The following DOCK4 variants were observed in gnomAD, a reference collection of about 807,000 sequenced individuals.
DOCK4 encodes the protein dedicator of cytokinesis protein 4.
A neutral mutation model predicts 268.1 loss-of-function variants in DOCK4; 97 were observed. The ratio of observed to expected loss-of-function variants is 0.36; its 90% CI spans 0.31 to 0.43. The LOEUF (loss-of-function observed/expected upper bound fraction) is 0.43, where lower values mean the gene tolerates loss of function less well. DOCK4 is among the 20% of genes least tolerant of loss of function. DOCK4 has a pLI of 1.00. For missense variants in DOCK4, 2,145 were observed against 2,455.7 expected (o/e 0.87, Z 2.67); for synonymous variants, 954 against 887.2 (o/e 1.08, Z -1.34).
intron 11 of DOCK4, among the ~76,000 whole-genome samples, chr7:111,936,574 G>A (rs1186259204): frequency 1.3e-5 from 2 of 152,138 alleles, no homozygotes; most frequent in African/African-American, 4.8e-5. Flanking sequence ...ATAATGATTT[G>A]TAAGCATGTG....
intron 32 of DOCK4, among the ~76,000 whole-genome samples, chr7:111,786,888 T>G (rs972426880): frequency 6.6e-6 from 1 of 152,222 alleles, no homozygotes; most frequent in Non-Finnish European, 1.5e-5. Flanking sequence ...GTATCACTTT[T>G]GATTTGATTT....
chr7:112,198,600 C>T (rs1025760570), intron 1 of DOCK4, among the ~76,000 whole-genome samples: 3 of 152,154 alleles, frequency 2.0e-5, no homozygotes, highest in South Asian at 4.1e-4. Flanking sequence ...CCTCTCTTTA[C>T]TCATTTTTAT....
chr7:111,801,165 C>G (rs1003949040), intron 30 of DOCK4, among the ~76,000 whole-genome samples: 1 of 152,188 alleles, frequency 6.6e-6, no homozygotes, highest in Non-Finnish European at 1.5e-5. Context: ...ATCATGGCGA[C>G]CCACATTTGC....
intron 1 of DOCK4, among the ~76,000 whole-genome samples, chr7:112,145,624 A>G (rs929327593): frequency 6.6e-6 from 1 of 152,238 alleles, no homozygotes; most frequent in East Asian, 1.9e-4. Flanking sequence ...TAACAGGATC[A>G]TTAAGCAGGA....
At chr7:111,984,518 G>T in intron 6 of DOCK4, 128 bp from the exon 7 acceptor site, 1 of 725,228 alleles carries the variant, frequency 1.4e-6, no homozygotes, top group Non-Finnish European at 2.3e-6. Context: ...CACCTTGTAT[G>T]ACTTGTTACC....
intron 5 of DOCK4, among the ~76,000 whole-genome samples, chr7:111,993,636 T>C (rs1412628686): frequency 6.6e-6 from 1 of 152,236 alleles, no homozygotes; most frequent in Middle Eastern, 3.2e-3. Context: ...TGATTACTTA[T>C]AGTAAGTAAA....
intron 8 of DOCK4, among the ~76,000 whole-genome samples, chr7:111,960,019 C>T (rs1796742082): frequency 6.6e-6 from 1 of 152,054 alleles, no homozygotes; most frequent in African/African-American, 2.4e-5. Context: ...TTCTTTTTTA[C>T]ACTTAATTAT....
At chr7:111,825,862 T>C (rs1449114588) in intron 26 of DOCK4, among the ~76,000 whole-genome samples, 2 of 152,150 alleles carry the variant, frequency 1.3e-5, no homozygotes, top group African/African-American at 4.8e-5. Context: ...AAAAGTCCCA[T>C]AATTAAATAT....
chr7:112,071,672 C>A (rs183428173), intron 1 of DOCK4, among the ~76,000 whole-genome samples: 184 of 152,254 alleles, frequency 1.2e-3, no homozygotes, highest in Admixed American at 2.2e-3. Context: ...AAGTATAATC[C>A]TTTAAAATAT....
intron 45 of DOCK4, 85 bp downstream of exon 45, chr7:111,741,928 G>T: frequency 6.8e-7 from 1 of 1,476,696 alleles, no homozygotes; most frequent in Non-Finnish European, 9.0e-7. Context: ...ACCACAAGAT[G>T]TCACTATTGG....
intron 15 of DOCK4, among the ~76,000 whole-genome samples, chr7:111,898,684 C>A (rs1222442139): frequency 2.0e-5 from 3 of 152,146 alleles, no homozygotes; most frequent in South Asian, 4.1e-4. Context: ...TGGAAGCCCA[C>A]TTTATAAAAT....
At chr7:111,753,052 T>C (rs1490761848) in intron 42 of DOCK4, among the ~76,000 whole-genome samples, 4 of 149,116 alleles carry the variant, frequency 2.7e-5, no homozygotes, top group Non-Finnish European at 5.9e-5. Context: ...CAATTTCATC[T>C]GAAACCTTTG....
At chr7:112,069,352 A>G (rs1033846711) in intron 1 of DOCK4, among the ~76,000 whole-genome samples, 2 of 152,184 alleles carry the variant, frequency 1.3e-5, no homozygotes, top group African/African-American at 4.8e-5. Flanking sequence ...AATGAAAGAC[A>G]TAATTCTTGC....
At chr7:112,099,055 C>T (rs1003279391) in intron 1 of DOCK4, among the ~76,000 whole-genome samples, 1 of 151,908 alleles carries the variant, frequency 6.6e-6, no homozygotes, top group Non-Finnish European at 1.5e-5. Context: ...TTTGGGAGGC[C>T]TAGGTGGGCG....
At position 111,728,396 on chromosome 7, in the gene DOCK4, C is replaced by T; in HGVS notation, c.5806G>A (p.Glu1936Lys). The T allele has an allele frequency of 1.3e-6, 2 of 1,560,484 alleles. No individual in the cohort carries two copies. The highest frequency in any genetic ancestry group is 2.4e-5 in the South Asian group (2 of 81,712). The change falls in exon 53 of 53, where the codon GAG (glutamate) becomes AAG (lysine). Residue 1936 changes from glutamate (E) to lysine (K), a missense_variant. Physicochemically the swap from Glu to Lys is moderately conservative, Grantham distance 56. Around this residue, in one of 2 missense-constraint regions of DOCK4, gnomAD observed 547 missense variants for 469.0 expected, o/e 1.17. Transcript: ENST00000428084. ...PHSLSIPVTS[E>K]PPALPPKPLA... ...GGCTTGGGGGGCAGCGCGGGCGGCT[C>T]CGACGTGACGGGGATGGAGAGGCTG...
chr7:111,769,142 C>T (rs2133668927), intron 37 of DOCK4, among the ~76,000 whole-genome samples: 1 of 152,130 alleles, frequency 6.6e-6, no homozygotes, highest in East Asian at 1.9e-4. Flanking sequence ...TTATAAGCTA[C>T]CCAGTCTAGG....
intron 8 of DOCK4, among the ~76,000 whole-genome samples, chr7:111,972,194 T>C (rs918088280): frequency 3.3e-5 from 5 of 152,200 alleles, no homozygotes; most frequent in Non-Finnish European, 5.9e-5. Context: ...TTCTGGCCAA[T>C]AAAATCCTGT....
intron 1 of DOCK4, among the ~76,000 whole-genome samples, chr7:112,165,923 A>G (rs1817576249): frequency 6.6e-6 from 1 of 152,052 alleles, no homozygotes; most frequent in Non-Finnish European, 1.5e-5. Context: ...GCCCCCTCCA[A>G]ATAACTGCCA....
intron 30 of DOCK4, among the ~76,000 whole-genome samples, chr7:111,807,110 C>G (rs1288280157): frequency 6.6e-6 from 1 of 152,140 alleles, no homozygotes; most frequent in East Asian, 1.9e-4. Context: ...TGAGATGTAT[C>G]TAGAACAGAA....
Sources: allele counts gnomAD v4.1 joint callset (sites outside exome capture counted in the v4.1 genomes callset), GRCh38; gene constraint gnomAD v4.1.1; regional missense constraint gnomAD v4.1.1; transcripts MANE v1.5; gene names NCBI Gene and HGNC (gene_info 2026-07-23, HGNC 2026-07-21).